The following PTPRK variants were observed in gnomAD, a reference collection of about 807,000 sequenced individuals.
PTPRK encodes the protein protein tyrosine phosphatase receptor type K, also known as receptor-type tyrosine-protein phosphatase kappa.
A neutral mutation model predicts 178.0 loss-of-function variants in PTPRK; 75 were observed. The ratio of observed to expected loss-of-function variants is 0.42; its 90% CI spans 0.35 to 0.51. The LOEUF (loss-of-function observed/expected upper bound fraction) is 0.51. PTPRK is among the 20% of genes least tolerant of loss of function. The probability of loss-of-function intolerance (pLI) is 0.02; values close to 1 mark genes in which losing one functional copy is unlikely to be tolerated. For synonymous variants in PTPRK, 637 were observed against 620.6 expected (o/e 1.03, Z -0.39); for missense variants, 1,441 against 1,797.8 (o/e 0.80, Z 3.59).
intron 7 of PTPRK, among the ~76,000 whole-genome samples, chr6:128,146,388 T>C (rs542668890): frequency 6.6e-6 from 1 of 151,908 alleles, no homozygotes; most frequent in Non-Finnish European, 1.5e-5. Context: ...TATTTTACCA[T>C]ACTGTTTGTG....
intron 2 of PTPRK, among the ~76,000 whole-genome samples, chr6:128,364,670 A>G (rs886375001): frequency 6.6e-6 from 1 of 152,028 alleles, no homozygotes. Flanking sequence ...CTAAGCAGCA[A>G]TTATTGGGTA....
At chr6:128,427,581 A>G (rs1844305774) in intron 1 of PTPRK, among the ~76,000 whole-genome samples, 1 of 152,226 alleles carries the variant, frequency 6.6e-6, no homozygotes, top group Non-Finnish European at 1.5e-5. Flanking sequence ...GTAACATATG[A>G]ACATGATTTT....
intron 13 of PTPRK, among the ~76,000 whole-genome samples, chr6:128,026,735 G>T (rs112133266): frequency 6.6e-6 from 1 of 151,984 alleles, no homozygotes; most frequent in South Asian, 2.1e-4. Context: ...CTTTAAGGAG[G>T]ATATTATTCA....
chr6:128,481,023 C>A (rs1456902511), intron 1 of PTPRK, among the ~76,000 whole-genome samples: 2 of 151,926 alleles, frequency 1.3e-5, no homozygotes, highest in Non-Finnish European at 2.9e-5. Context: ...ACATACCATA[C>A]CCTGGACAGT....
chr6:128,219,262 G>A (rs186929562), intron 5 of PTPRK, among the ~76,000 whole-genome samples, 166 bp from the exon 6 acceptor site: 1,642 of 152,230 alleles, frequency 0.011, 13 homozygotes, highest in Middle Eastern at 0.02. Context: ...TGGTATCCTC[G>A]AAAGCAGTGG....
intron 1 of PTPRK, among the ~76,000 whole-genome samples, chr6:128,469,766 A>G (rs576950872): frequency 2.0e-5 from 3 of 152,264 alleles, no homozygotes; most frequent in South Asian, 4.1e-4. Context: ...ACCAAGGTGT[A>G]CCCAATACAA....
intron 7 of PTPRK, among the ~76,000 whole-genome samples, chr6:128,126,449 C>G (rs1793388443): frequency 6.6e-6 from 1 of 152,116 alleles, no homozygotes; most frequent in Non-Finnish European, 1.5e-5. Context: ...GCTGCTTATA[C>G]ATATTTGTAT....
In PTPRK at chr6:128,515,497, A is replaced by C. The variant is rs143772477; in HGVS notation, c.100+4762T>G. 6.6e-5 allele frequency among the ~76,000 whole-genome samples: 10 copies of C among 152,288 alleles called. No individual in the cohort carries two copies. The East Asian group carries it at 1.9e-3, about 29-fold the overall frequency. ...AACACCATTTGAAGAAGGAACACAG[A>C]CCAGATACATATGATCAAAGTGTAA... On this transcript the variant is annotated intron_variant, in intron 1 of 29. Coordinates refer to ENST00000368226, the MANE Select transcript of PTPRK (RefSeq NM_002844.4).
At chr6:128,083,010 T>C (rs575725876) in intron 9 of PTPRK, among the ~76,000 whole-genome samples, 1 of 152,268 alleles carries the variant, frequency 6.6e-6, no homozygotes, top group Admixed American at 6.5e-5. Context: ...TTCTGTACTT[T>C]GTTCAAGTTA....
At chr6:128,012,853 T>A (rs1390782647) in intron 13 of PTPRK, among the ~76,000 whole-genome samples, 1 of 151,432 alleles carries the variant, frequency 6.6e-6, no homozygotes. Flanking sequence ...TAAGTAATCT[T>A]ATGGTGTCTT....
At chr6:128,362,581 C>T (rs1007206184) in intron 2 of PTPRK, among the ~76,000 whole-genome samples, 5 of 152,150 alleles carry the variant, frequency 3.3e-5, no homozygotes, top group African/African-American at 1.2e-4. Flanking sequence ...CCTTTGATTC[C>T]TCATTCACCA....
intron 3 of PTPRK, among the ~76,000 whole-genome samples, chr6:128,277,057 T>C (rs1462884794): frequency 6.6e-6 from 1 of 151,566 alleles, no homozygotes; most frequent in Non-Finnish European, 1.5e-5. Context: ...TGAAAGACAA[T>C]GAGTGACCTC....
intron 3 of PTPRK, among the ~76,000 whole-genome samples, chr6:128,306,217 C>A (rs533149972): frequency 2.0e-5 from 3 of 152,266 alleles, no homozygotes; most frequent in African/African-American, 7.2e-5. Context: ...ATATAAGAAT[C>A]TGTACCTTTA....
intron 10 of PTPRK, among the ~76,000 whole-genome samples, chr6:128,079,161 A>T (rs1321328641): frequency 6.6e-6 from 1 of 152,050 alleles, no homozygotes; most frequent in African/African-American, 2.4e-5. Context: ...TATGACACAC[A>T]TTCCAAATAT....
chr6:128,099,852 C>T (rs1788498637), intron 7 of PTPRK, among the ~76,000 whole-genome samples: 1 of 151,910 alleles, frequency 6.6e-6, no homozygotes, highest in Non-Finnish European at 1.5e-5. Flanking sequence ...GTTGTGAAGT[C>T]TTATATTAGG....
chr6:128,089,788 T>C lies in PTPRK; in HGVS notation c.1367A>G (p.His456Arg). 1 of 1,613,832 alleles carries C rather than the reference T, an allele frequency of 6.2e-7. No homozygotes were observed. The highest frequency in any genetic ancestry group is 1.7e-5 in the Admixed American group (1 of 60,024). Reference sequence around the variant, plus strand: ...GCTGACATTTGTATAAGGTGGCAGATGGTTCACAACATGCTGAGGGGCTTT... The same window carrying C: ...GCTGACATTTGTATAAGGTGGCAGACGGTTCACAACATGCTGAGGGGCTTT... ...DPKAPQHVVNHLPPYTNVSLK... is the reference protein window; with the variant it reads ...DPKAPQHVVNRLPPYTNVSLK... The change falls in exon 8 of 30, where the codon CAT (histidine) becomes CGT (arginine). Residue 456 changes from histidine to arginine, a missense_variant. Transcript: ENST00000368226.
rs568582706 is a variant in PTPRK at position 128,025,547 on chromosome 6, T to A, written c.2195-16279A>T. 6.6e-5 allele frequency among the ~76,000 whole-genome samples: 10 copies of A among 152,328 alleles called. No individual in the cohort carries two copies. The South Asian group carries it at 2.1e-3, about 32-fold the overall frequency. Reference sequence around the variant, plus strand: ...ATAATTTTCTATGTCTGTATTAGTTTCTCAAGGCCACTGCAGAAAACTGCC... The same window carrying A: ...ATAATTTTCTATGTCTGTATTAGTTACTCAAGGCCACTGCAGAAAACTGCC... On this transcript the variant is annotated intron_variant, in intron 13 of 29. Transcript: ENST00000368226.
chr6:128,072,143 C>A (rs1782936967), intron 11 of PTPRK, among the ~76,000 whole-genome samples: 1 of 151,792 alleles, frequency 6.6e-6, no homozygotes, highest in Non-Finnish European at 1.5e-5. Context: ...TAATATATTC[C>A]CCATTCCTTT....
At chr6:128,497,425 C>T (rs1854844684) in intron 1 of PTPRK, among the ~76,000 whole-genome samples, 1 of 152,106 alleles carries the variant, frequency 6.6e-6, no homozygotes, top group Admixed American at 6.5e-5. Context: ...TCCTGGGCAA[C>T]ATAGGGAGAC....
Sources: allele counts gnomAD v4.1 joint callset (sites outside exome capture counted in the v4.1 genomes callset), GRCh38; gene constraint gnomAD v4.1.1; transcripts MANE v1.5; gene names NCBI Gene and HGNC (gene_info 2026-07-23, HGNC 2026-07-21).